SYT17: variants seen among roughly 807,000 people sequenced by gnomAD.
SYT17 encodes the protein synaptotagmin-17.
In SYT17, 22 loss-of-function variants were observed where a neutral mutation model predicts 46.7. The observed-to-expected ratio is 0.47, with a 90% CI of 0.34 to 0.67. SYT17 has a LOEUF of 0.67. SYT17 is among the 30% of genes least tolerant of loss of function. The pLI is 0.01. For synonymous variants in SYT17, 251 were observed against 248.4 expected (o/e 1.01, Z -0.10); for missense variants, 519 against 612.8 (o/e 0.85, Z 1.62).
chr16:19,220,538 A>G (rs1966277295), intron 5 of SYT17, among the ~76,000 whole-genome samples: 1 of 151,806 alleles, frequency 6.6e-6, no homozygotes, highest in Non-Finnish European at 1.5e-5. Context: ...ACCTTAGATG[A>G]TCCACCCACG....
Position 19,168,502 on chromosome 16 carries a change from C to T in SYT17, c.-145C>T. ...GGCCGGCGGAGGGGCGGGCGCCGCT[C>T]ATCAGCCACGCCAGTCACGTCTGGG... is the stretch of plus-strand genomic sequence containing the variant. On this transcript the variant is annotated 5_prime_UTR_variant, in exon 1 of 8. Transcript: ENST00000355377. The surrounding 1 kb of genome is among the most constrained non-coding windows in gnomAD (Gnocchi z 6.9). 3.5e-6 allele frequency: 4 copies of T among 1,140,562 alleles called. No individual in the cohort carries two copies. Among genetic ancestry groups the T allele is most frequent in the Non-Finnish European group, 4.9e-6 (4 of 809,664 alleles). 70.7% of individuals were successfully genotyped at this position (1,140,562 alleles called of 1,614,324 possible).
chr16:19,191,400 C>T (rs935338902), intron 5 of SYT17, among the ~76,000 whole-genome samples: 1 of 152,164 alleles, frequency 6.6e-6, no homozygotes, highest in Non-Finnish European at 1.5e-5. Context: ...AGTTGCCTTG[C>T]CCCTTCCTCC....
intron 5 of SYT17, among the ~76,000 whole-genome samples, chr16:19,201,567 C>T (rs556544701): frequency 1.3e-5 from 2 of 151,920 alleles, no homozygotes; most frequent in South Asian, 2.1e-4. Context: ...TCTGTGGCCC[C>T]CCAAAACCAA....
chr16:19,198,481 C>T (rs1026175108), intron 5 of SYT17, among the ~76,000 whole-genome samples: 1 of 152,188 alleles, frequency 6.6e-6, no homozygotes, highest in Non-Finnish European at 1.5e-5. Context: ...TGCTAGCTCT[C>T]CCTGAGTACT....
At chr16:19,217,684 T>C (rs1966148420) in intron 5 of SYT17, among the ~76,000 whole-genome samples, 1 of 152,202 alleles carries the variant, frequency 6.6e-6, no homozygotes, top group African/African-American at 2.4e-5. Context: ...CATGTGGACA[T>C]GTTTCCTATT....
chr16:19,237,882 C>G (rs944561282), intron 7 of SYT17, among the ~76,000 whole-genome samples: 3 of 152,204 alleles, frequency 2.0e-5, no homozygotes, highest in Non-Finnish European at 4.4e-5. Context: ...ATGGCCAGAG[C>G]AGGGTTGGGG....
At chr16:19,177,812 T>A (rs150191532) in intron 3 of SYT17, among the ~76,000 whole-genome samples, 57 of 152,320 alleles carry the variant, frequency 3.7e-4, no homozygotes, top group African/African-American at 1.3e-3. Context: ...AAGACCCTCA[T>A]TGAAGAGTGA....
At position 19,267,015 on chromosome 16, in the gene SYT17, A is replaced by G; in HGVS notation, c.1364A>G (p.His455Arg). Residue 455 changes from histidine to arginine, a missense_variant, in exon 8 of 8, where the codon CAT (histidine) becomes CGT (arginine). Physicochemically the swap from His to Arg is conservative, Grantham distance 29 (BLOSUM62 0). Transcript: ENST00000355377. ...NTHRTAVEQW[H>R]SLRSRAECDR... Reference sequence around the variant, plus strand: ...CACCGCACAGCCGTGGAGCAGTGGCATAGCCTGAGGTCCCGAGCTGAGTGT... The same window carrying G: ...CACCGCACAGCCGTGGAGCAGTGGCGTAGCCTGAGGTCCCGAGCTGAGTGT... 6.2e-7 allele frequency: 1 copy of G among 1,613,186 alleles called. No individual in the cohort carries two copies. The highest frequency in any genetic ancestry group is 8.5e-7 in the Non-Finnish European group (1 of 1,179,964).
chr16:19,234,286 A>T lies in SYT17; in HGVS notation c.1228+9448A>T, dbSNP rs111714759. 8.6e-3 allele frequency among the ~76,000 whole-genome samples: 1,314 copies of T among 152,152 alleles called. 22 individuals are homozygous for T. Among genetic ancestry groups the T allele is most frequent in the African/African-American group, 0.03 (1,255 of 41,484 alleles). On this transcript the variant is annotated intron_variant, in intron 7 of 7. Coordinates refer to ENST00000355377, the MANE Select transcript of SYT17 (RefSeq NM_016524.4). The stretch of plus-strand genomic sequence containing the variant: ...GGCTGCAGTAAACTATGATCACACC[A>T]CTGCACTCCAGCCTGGGGGACAGTA...
rs1242328071 is a variant in SYT17, at chr16:19,168,639, G to T, written c.-8G>T. 1 of 1,538,254 alleles carries T rather than the reference G, an allele frequency of 6.5e-7. No individual in the cohort carries two copies. Among genetic ancestry groups the T allele is most frequent in the East Asian group, 2.6e-5 (1 of 38,600 alleles). On this transcript the variant is annotated 5_prime_UTR_variant, in exon 1 of 8. Transcript: ENST00000355377. This position sits in a 1 kb window ranked among gnomAD's most constrained non-coding sequence, Gnocchi z 6.9. ...TGCCCGGGCCGGAGTGAGTGCGCGCGGGCGAAAATGGCGTACATCCAGGTA... is the reference window on the plus strand; with the variant it reads ...TGCCCGGGCCGGAGTGAGTGCGCGCTGGCGAAAATGGCGTACATCCAGGTA...
chr16:19,178,589 G>C lies in SYT17; in HGVS notation c.183-1802G>C, dbSNP rs547109721. Among the ~76,000 whole-genome samples the C allele has an allele frequency of 2.6e-5, 4 of 152,288 alleles. No homozygotes were observed. The South Asian group carries it at 8.3e-4, about 32-fold the overall frequency. ...TTACAGGCATGAGCCACCATGCCTA[G>C]CTCCTGATAACACTTTTGAAGAACA... On this transcript the variant is annotated intron_variant, in intron 3 of 7. Transcript: ENST00000355377.
chr16:19,251,922 T>C (rs1342128164), intron 7 of SYT17, among the ~76,000 whole-genome samples: 1 of 152,084 alleles, frequency 6.6e-6, no homozygotes. Flanking sequence ...GTTCAAAACA[T>C]GTTTGAGCTG....
At chr16:19,256,241 C>T (rs1293650095) in intron 7 of SYT17, among the ~76,000 whole-genome samples, 1 of 151,856 alleles carries the variant, frequency 6.6e-6, no homozygotes, top group Admixed American at 6.6e-5. Flanking sequence ...ATCTTCCCTC[C>T]TTATCTGCTG....
rs1597065777 is a variant in SYT17 at position 19,267,113 on chromosome 16, A to G, written c.*37A>G. 1.3e-6 allele frequency: 2 copies of G among 1,500,150 alleles called. No individual in the cohort carries two copies. The highest frequency in any genetic ancestry group is 1.8e-6 in the Non-Finnish European group (2 of 1,129,146). The allele number at this position is 1,500,150 out of a possible 1,614,324, so 92.9% of individuals were successfully genotyped here. A position where few individuals can be genotyped will look rare whatever the true frequency, so the allele number is the denominator to read the frequency against. On this transcript the variant is annotated 3_prime_UTR_variant, in exon 8 of 8. Coordinates refer to ENST00000355377, the MANE Select transcript of SYT17 (RefSeq NM_016524.4). ...AAGGCAGCTTTCATTTGTTTAAAAA[A>G]AAAAAAAAAAGACGGAAAAAAATGT...
chr16:19,207,583 A>T (rs183645601), intron 5 of SYT17, among the ~76,000 whole-genome samples: 3 of 152,288 alleles, frequency 2.0e-5, no homozygotes, highest in Admixed American at 1.3e-4. Context: ...TGAGAACTCT[A>T]TCATGAGAAC....
rs138579818 is a variant in SYT17, at chr16:19,241,850, G to A, written c.1228+17012G>A. Among the ~76,000 whole-genome samples, 341 of 152,268 alleles carry A rather than the reference G, an allele frequency of 2.2e-3. 1 individual carries two copies. Among genetic ancestry groups the A allele is most frequent in the African/African-American group, 7.6e-3 (314 of 41,534 alleles). On this transcript the variant is annotated intron_variant, in intron 7 of 7. Transcript: ENST00000355377. ...GGGGACAGCACAGTTGGCTGCCTTG[G>A]GCACGTGGGGCACAGGGGTCCCACC...
chr16:19,174,947 C>T (rs1394278187), intron 3 of SYT17, among the ~76,000 whole-genome samples: 1 of 151,674 alleles, frequency 6.6e-6, no homozygotes, highest in Admixed American at 6.6e-5. Context: ...GTGAGACCCC[C>T]CCCATGCCCC....
chr16:19,180,229 T>C, intron 3 of SYT17, 162 bp from the exon 4 acceptor site: 1 of 650,980 alleles, frequency 1.5e-6, no homozygotes, highest in Non-Finnish European at 2.6e-6. Context: ...AGCAAGACGT[T>C]GTTGAGAGTT....
At chr16:19,263,640 CAAAAAAAA>C (rs1157288423) in intron 7 of SYT17, among the ~76,000 whole-genome samples, 1 of 39,240 alleles carries the variant, frequency 2.5e-5, no homozygotes, top group African/African-American at 7.5e-5. Flanking sequence ...AATTACAACT[CAAAAAAAA>C]AAAAAAAAAA....
Sources: allele counts gnomAD v4.1 joint callset (sites outside exome capture counted in the v4.1 genomes callset), GRCh38; gene constraint gnomAD v4.1.1; non-coding constraint Gnocchi (gnomAD v3.1); transcripts MANE v1.5; gene names NCBI Gene and HGNC (gene_info 2026-07-23, HGNC 2026-07-21).